The following LDLRAD3 variants were observed in gnomAD, a reference collection of about 807,000 sequenced individuals.
The protein encoded by LDLRAD3 is low density lipoprotein receptor class A domain containing 3, also known as low-density lipoprotein receptor class A domain-containing protein 3.
LDLRAD3 carries 20 observed loss-of-function variants against 29.4 expected under a neutral mutation model. The observed-to-expected ratio is 0.68, with a 90% confidence interval of 0.48 to 0.99. The LOEUF (loss-of-function observed/expected upper bound fraction) is 0.99, where lower values mean the gene tolerates loss of function less well. LDLRAD3 is among the 50% of genes least tolerant of loss of function. The pLI, the probability that LDLRAD3 is intolerant of heterozygous loss-of-function variation, is 0.00. For synonymous variants in LDLRAD3, 157 were observed against 192.7 expected (o/e 0.81, Z 1.53); for missense variants, 420 against 454.3 (o/e 0.92, Z 0.69).
intron 4 of LDLRAD3, among the ~76,000 whole-genome samples, chr11:36,180,294 G>A (rs1854739939): frequency 7.1e-6 from 1 of 140,622 alleles, no homozygotes; most frequent in East Asian, 2.2e-4. Context: ...CACAACTGCT[G>A]TGCTGGCTTT....
chr11:35,950,369 C>T (rs373035926), intron 1 of LDLRAD3, among the ~76,000 whole-genome samples: 2 of 152,184 alleles, frequency 1.3e-5, no homozygotes, highest in African/African-American at 4.8e-5. Flanking sequence ...GCTTCTTTAG[C>T]TTTCAAGATA....
At chr11:36,086,151 A>G (rs1853192922) in intron 3 of LDLRAD3, among the ~76,000 whole-genome samples, 1 of 151,254 alleles carries the variant, frequency 6.6e-6, no homozygotes, top group African/African-American at 2.4e-5. Flanking sequence ...CTGTTTTTCC[A>G]TTTGTTTTGA....
intron 1 of LDLRAD3, among the ~76,000 whole-genome samples, chr11:36,019,735 C>A (rs1233377822): frequency 6.6e-5 from 10 of 152,128 alleles, no homozygotes; most frequent in Non-Finnish European, 1.2e-4. Context: ...GTCACTATTC[C>A]CTGGATACAG....
chr11:36,026,863 A>G (rs992336904), intron 1 of LDLRAD3, among the ~76,000 whole-genome samples: 1 of 152,114 alleles, frequency 6.6e-6, no homozygotes, highest in Admixed American at 6.5e-5. Flanking sequence ...TGAATAATCC[A>G]CCCTGTGTTT....
At chr11:36,011,320 T>G (rs1851952650) in intron 1 of LDLRAD3, among the ~76,000 whole-genome samples, 1 of 152,236 alleles carries the variant, frequency 6.6e-6, no homozygotes. Flanking sequence ...GGTAAATGAA[T>G]GAATCAGTTA....
intron 1 of LDLRAD3, among the ~76,000 whole-genome samples, chr11:35,959,652 T>C (rs191377293): frequency 6.6e-6 from 1 of 152,214 alleles, no homozygotes; most frequent in Non-Finnish European, 1.5e-5. Flanking sequence ...CTAGGTGTGG[T>C]GGCTCATACC....
intron 1 of LDLRAD3, among the ~76,000 whole-genome samples, chr11:36,007,786 A>G (rs1021768683): frequency 6.6e-6 from 1 of 152,222 alleles, no homozygotes; most frequent in Non-Finnish European, 1.5e-5. Flanking sequence ...CAGTCCTCGT[A>G]AATTTTCTTT....
Position 36,217,348 on chromosome 11 carries a change from T to C in LDLRAD3, c.455-9737T>C, listed in dbSNP as rs187672492. Among the ~76,000 whole-genome samples, 27 of 146,904 alleles carry C rather than the reference T, an allele frequency of 1.8e-4. No homozygotes were observed. In the East Asian group the frequency reaches 5.4e-3, roughly 29 times the overall value. ...TCCAAGAAGGAGCAAGCCTGGTCTT[T>C]GCCCACCGAGAACTTAATGGTAAGA... On this transcript the variant is annotated intron_variant, in intron 4 of 5. Transcript: ENST00000315571.
intron 4 of LDLRAD3, among the ~76,000 whole-genome samples, chr11:36,191,572 C>CTA (rs1180186515): frequency 3.3e-3 from 243 of 74,296 alleles, no homozygotes; most frequent in Middle Eastern, 0.013. Flanking sequence ...CTCTCTCTCT[C>CTA]TCTCTATATA....
At chr11:36,173,832 T>A (rs1188082676) in intron 4 of LDLRAD3, among the ~76,000 whole-genome samples, 1 of 152,090 alleles carries the variant, frequency 6.6e-6, no homozygotes, top group East Asian at 1.9e-4. Context: ...AAGCTACCAA[T>A]GACTTTCTTC....
At chr11:36,162,371 T>C (rs1411780658) in intron 4 of LDLRAD3, among the ~76,000 whole-genome samples, 1 of 152,204 alleles carries the variant, frequency 6.6e-6, no homozygotes, top group Non-Finnish European at 1.5e-5. Flanking sequence ...GATCGCATTA[T>C]TAAGATGGTT....
chr11:36,039,080 T>C (rs931143899), intron 2 of LDLRAD3, among the ~76,000 whole-genome samples: 4 of 151,512 alleles, frequency 2.6e-5, no homozygotes, highest in African/African-American at 7.3e-5. Context: ...CGCCATTCTC[T>C]CGCCTCAGTC....
In LDLRAD3 at chr11:36,191,043, C is replaced by A. The variant is rs563151155; in HGVS notation, c.455-36042C>A. On this transcript the variant is annotated intron_variant, in intron 4 of 5. Coordinates refer to ENST00000315571, the MANE Select transcript of LDLRAD3 (RefSeq NM_174902.4). Reference sequence around the variant, plus strand: ...GAAGCTGCTAATAAATACGGTCTACCAAAACCAAGGGAGTAAACCAAGAAA... The same window carrying A: ...GAAGCTGCTAATAAATACGGTCTACAAAAACCAAGGGAGTAAACCAAGAAA... 3.9e-5 allele frequency among the ~76,000 whole-genome samples: 6 copies of A among 152,184 alleles called. No homozygotes were observed. In the South Asian group the frequency reaches 1.2e-3, roughly 32 times the overall value.
intron 4 of LDLRAD3, among the ~76,000 whole-genome samples, chr11:36,185,295 A>T (rs1030842035): frequency 2.6e-5 from 4 of 152,210 alleles, no homozygotes; most frequent in African/African-American, 9.7e-5. Context: ...AGATGGACCA[A>T]GTCTTAAAGC....
At chr11:36,027,718 T>C (rs1852186159) in intron 1 of LDLRAD3, among the ~76,000 whole-genome samples, 2 of 152,224 alleles carry the variant, frequency 1.3e-5, no homozygotes, top group African/African-American at 2.4e-5. Flanking sequence ...CTGTGGAAAT[T>C]GCTGCAGTTG....
At chr11:36,013,542 G>A (rs767550053) in intron 1 of LDLRAD3, among the ~76,000 whole-genome samples, 11 of 148,808 alleles carry the variant, frequency 7.4e-5, no homozygotes, top group Non-Finnish European at 1.5e-4. Flanking sequence ...CCACTTATGA[G>A]TGAGAACATG....
intron 4 of LDLRAD3, among the ~76,000 whole-genome samples, chr11:36,160,345 C>T (rs1854421106): frequency 1.3e-5 from 2 of 152,106 alleles, no homozygotes; most frequent in African/African-American, 2.4e-5. Flanking sequence ...GCGTGATTTC[C>T]CAGCCAGAGG....
At chr11:35,982,636 T>C (rs1028911455) in intron 1 of LDLRAD3, among the ~76,000 whole-genome samples, 2 of 152,144 alleles carry the variant, frequency 1.3e-5, no homozygotes, top group Non-Finnish European at 1.5e-5. Context: ...AAAAATCCAC[T>C]CAAGGGCATG....
intron 1 of LDLRAD3, among the ~76,000 whole-genome samples, chr11:36,004,112 A>G (rs1851856450): frequency 6.6e-6 from 1 of 152,140 alleles, no homozygotes; most frequent in Non-Finnish European, 1.5e-5. Flanking sequence ...TCCTTTTCAC[A>G]TTGCAAAATA....
Sources: allele counts gnomAD v4.1 joint callset (sites outside exome capture counted in the v4.1 genomes callset), GRCh38; gene constraint gnomAD v4.1.1; transcripts MANE v1.5; gene names NCBI Gene and HGNC (gene_info 2026-07-23, HGNC 2026-07-21).